Variants in GSE1 observed in about 807,000 individuals in gnomAD.
The protein encoded by GSE1 is genetic suppressor element 1.
GSE1 carries 32 observed loss-of-function variants against 112.6 expected under a neutral mutation model. That is an observed-to-expected ratio of 0.28 (90% CI 0.21 to 0.38). The LOEUF (loss-of-function observed/expected upper bound fraction) is 0.38, where lower values mean the gene tolerates loss of function less well. Among genes scored for constraint, GSE1 ranks in the 10% least tolerant of loss-of-function variants. The pLI is 1.00. For synonymous variants in GSE1, 1,115 were observed against 735.6 expected, an observed-to-expected ratio of 1.52 and a Z score of -8.35; for missense variants, 2,348 against 1,699.2, an observed-to-expected ratio of 1.38 and a Z score of -6.71.
intron 2 of GSE1, among the ~76,000 whole-genome samples, chr16:85,522,243 C>T (rs2052209847): frequency 6.6e-6 from 1 of 152,034 alleles, no homozygotes; most frequent in South Asian, 2.1e-4. Context: ...GTCCAGTATC[C>T]CACCTCTTTC....
chr16:85,263,543 A>G (rs1035852158), intron 1 of GSE1, among the ~76,000 whole-genome samples: 3 of 151,284 alleles, frequency 2.0e-5, no homozygotes, highest in Non-Finnish European at 2.9e-5. Flanking sequence ...ACCTAGGGTC[A>G]GCTCACACCA....
Position 85,629,995 on chromosome 16 carries a change from A to C in GSE1, c.8-3919A>C, listed in dbSNP as rs1428115502. On this transcript the variant is annotated intron_variant, in intron 1 of 15. Transcript: ENST00000253458. ...GGGTGGTTCTGGCTCAGGGTCTGTG[A>C]TGAGCCTACTTGAGATGTTGGCTGG... Among the ~76,000 whole-genome samples the C allele has an allele frequency of 2.0e-5, 3 of 152,196 alleles. No homozygotes were observed. In the South Asian group the frequency reaches 6.2e-4, roughly 32 times the overall value.
At chr16:85,667,767 G>A (rs1478506327) in intron 13 of GSE1, among the ~76,000 whole-genome samples, 2 of 152,208 alleles carry the variant, frequency 1.3e-5, no homozygotes, top group Non-Finnish European at 2.9e-5. Context: ...GCTGAGGCAG[G>A]AGAATTGCTT....
chr16:85,275,140 G>A (rs532180569), intron 1 of GSE1, among the ~76,000 whole-genome samples: 2 of 152,168 alleles, frequency 1.3e-5, no homozygotes, highest in South Asian at 2.1e-4. Context: ...GGGCCTGTGC[G>A]GGCCCCACCC....
At chr16:85,369,694 T>G (rs564265244) in intron 2 of GSE1, among the ~76,000 whole-genome samples, 3 of 152,350 alleles carry the variant, frequency 2.0e-5, no homozygotes, top group African/African-American at 7.2e-5. Context: ...TTTCATAGAC[T>G]CCGGGGATTA....
intron 2 of GSE1, among the ~76,000 whole-genome samples, chr16:85,468,289 T>G (rs935649721): frequency 4.6e-5 from 7 of 151,274 alleles, no homozygotes; most frequent in Admixed American, 2.6e-4. Context: ...TGGACCAGCT[T>G]CTTCTTGTAG....
At chr16:85,555,231 A>G (rs933683583), upstream of GSE1, 1 of 985,150 alleles carries the variant, frequency 1.0e-6, no homozygotes, top group African/African-American at 1.7e-5. Context: ...TTGCATGAAA[A>G]TTGATCGAGG....
At chr16:85,435,498 C>A (rs1023554379) in intron 2 of GSE1, among the ~76,000 whole-genome samples, 1 of 152,202 alleles carries the variant, frequency 6.6e-6, no homozygotes, top group Non-Finnish European at 1.5e-5. Context: ...CACAGCCCCC[C>A]GCAGCAGGTG....
At chr16:85,606,359 T>G (rs1032781070) in intron 1 of GSE1, among the ~76,000 whole-genome samples, 1 of 152,226 alleles carries the variant, frequency 6.6e-6, no homozygotes, top group African/African-American at 2.4e-5. Context: ...CAGGGCGGAC[T>G]TCTCCGAGCT....
At chr16:85,254,463 C>T (rs563002019) in intron 1 of GSE1, among the ~76,000 whole-genome samples, 45 of 152,270 alleles carry the variant, frequency 3.0e-4, no homozygotes, top group Admixed American at 1.5e-3. Context: ...TATTAGGTGA[C>T]CCTTTAGCAT....
chr16:85,593,712 C>G (rs560698943), intron 1 of GSE1: 1 of 152,082 alleles, frequency 6.6e-6, no homozygotes, highest in Non-Finnish European at 1.5e-5. Flanking sequence ...TTTGCATAAT[C>G]CACACAGTCA....
intron 1 of GSE1, among the ~76,000 whole-genome samples, chr16:85,329,298 G>C (rs1304575646): frequency 1.3e-5 from 2 of 152,144 alleles, no homozygotes; most frequent in East Asian, 3.9e-4. Flanking sequence ...GAAGTGAGTG[G>C]AGAAGGACCT....
intron 1 of GSE1, among the ~76,000 whole-genome samples, chr16:85,268,618 G>T (rs57891137): frequency 0.012 from 1,769 of 152,284 alleles, 33 homozygotes; most frequent in African/African-American, 0.04. Flanking sequence ...GGCCTGTGAG[G>T]CTGGCCTGGG....
chr16:85,214,251 A>C (rs4302023), intron 1 of GSE1, among the ~76,000 whole-genome samples: 69,259 of 151,298 alleles, frequency 0.46, 17,229 homozygotes, highest in African/African-American at 0.68. Context: ...GGGCCCCCCC[A>C]CCCAGATTCT....
intron 2 of GSE1, among the ~76,000 whole-genome samples, chr16:85,535,308 G>A (rs1209161213): frequency 1.3e-5 from 2 of 152,230 alleles, no homozygotes; most frequent in Non-Finnish European, 2.9e-5. Context: ...CTCGGGGAAC[G>A]AGGTGCTCGT....
intron 1 of GSE1, among the ~76,000 whole-genome samples, chr16:85,290,313 AC>A (rs1229699194): frequency 6.6e-5 from 10 of 151,658 alleles, no homozygotes; most frequent in Admixed American, 2.0e-4. Context: ...TGTCCACGTC[AC>A]CCCCAGGCCC....
chr16:85,569,718 G>A (rs1366525946), intron 1 of GSE1, among the ~76,000 whole-genome samples: 5 of 152,228 alleles, frequency 3.3e-5, no homozygotes, highest in African/African-American at 1.2e-4. Flanking sequence ...CGTGTTACGT[G>A]TGTTTTCCCT....
At chr16:85,354,186 G>A (rs1376788881) in intron 1 of GSE1, among the ~76,000 whole-genome samples, 1 of 152,150 alleles carries the variant, frequency 6.6e-6, no homozygotes, top group East Asian at 1.9e-4. Context: ...ATCTCCCCCG[G>A]TGGTATTCCC....
At position 85,347,816 on chromosome 16, in the gene GSE1, C is replaced by T. The variant is rs868230808; in HGVS notation, c.2284-9647C>T. Reference sequence around the variant, plus strand: ...TTTGCCACAAGCTTCCGCTCTAGGACCTTCTGTTCCACCTGGTCAGGGACA... The same window carrying T: ...TTTGCCACAAGCTTCCGCTCTAGGATCTTCTGTTCCACCTGGTCAGGGACA... On this transcript the variant is annotated intron_variant, in intron 1 of 2. Coordinates refer to the GSE1 transcript ENST00000637419. Among the ~76,000 whole-genome samples, 31 of 152,300 alleles carry T rather than the reference C, an allele frequency of 2.0e-4. 1 individual carries two copies. The highest frequency in any genetic ancestry group is 7.8e-4 in the Admixed American group (12 of 15,306).
Sources: gnomAD v4.1 joint callset for allele counts (sites outside exome capture counted in the v4.1 genomes callset) on GRCh38, gnomAD v4.1.1 for gene constraint, MANE v1.5 for transcripts, NCBI Gene and HGNC (gene_info 2026-07-23, HGNC 2026-07-21) for gene names.